The following LIMS1 variants were observed in gnomAD, a reference collection of about 807,000 sequenced individuals.
LIMS1 encodes the protein LIM zinc finger domain containing 1, also known as LIM and senescent cell antigen-like-containing domain protein 1.
Under a neutral mutation model 44.1 loss-of-function variants are expected in LIMS1, and 18 were observed. The observed-to-expected ratio is 0.41, with a 90% CI of 0.28 to 0.61. The LOEUF (loss-of-function observed/expected upper bound fraction) is 0.61. Among genes scored for constraint, LIMS1 ranks in the 20% least tolerant of loss-of-function variants. The pLI is 0.32. For synonymous variants in LIMS1, 93 were observed against 149.1 expected, an observed-to-expected ratio of 0.62 and a Z score of 2.74; for missense variants, 201 against 422.0, an observed-to-expected ratio of 0.48 and a Z score of 4.59.
chr2:108,622,433 A>G lies in LIMS1; in HGVS notation c.33-37172A>G, dbSNP rs187061339. Among the ~76,000 whole-genome samples the G allele has an allele frequency of 1.1e-3, 174 of 152,312 alleles. 1 individual carries two copies. The highest frequency in any genetic ancestry group is 3.9e-3 in the African/African-American group (164 of 41,582). On this transcript the variant is annotated intron_variant, in intron 1 of 9. Transcript: ENST00000544547. Reference sequence around the variant, plus strand: ...AAATTTGTATTTGTCACAGACAGCTATACTACAGTAACTGTAATTTGCTAA... The same window carrying G: ...AAATTTGTATTTGTCACAGACAGCTGTACTACAGTAACTGTAATTTGCTAA...
intron 1 of LIMS1, chr2:108,588,259 A>G: frequency 2.5e-6 from 2 of 803,556 alleles, no homozygotes; most frequent in East Asian, 3.5e-4. Context: ...ACATGATTTG[A>G]CTAAATACAG....
At chr2:108,618,259 CA>C (rs1688036942) in intron 1 of LIMS1, among the ~76,000 whole-genome samples, 1 of 152,176 alleles carries the variant, frequency 6.6e-6, no homozygotes. Flanking sequence ...TCTGTACTGT[CA>C]AAATCATGCT....
At chr2:108,687,096 AG>A (rs1693351427) in exon 10 of LIMS1, 2 of 152,210 alleles carry the variant, frequency 1.3e-5, no homozygotes, top group Non-Finnish European at 2.9e-5. Context: ...TTCTAAGTTA[AG>A]GAAGTTTTTA....
intron 1 of LIMS1, among the ~76,000 whole-genome samples, chr2:108,540,645 A>G (rs1175258262): frequency 6.6e-6 from 1 of 152,224 alleles, no homozygotes; most frequent in Non-Finnish European, 1.5e-5. Context: ...GTGGGTTTAT[A>G]TGTGAAAAAG....
intron 1 of LIMS1, among the ~76,000 whole-genome samples, chr2:108,628,658 G>C (rs1298091865): frequency 6.6e-6 from 1 of 152,158 alleles, no homozygotes; most frequent in African/African-American, 2.4e-5. Context: ...TAGAGACGGG[G>C]TTTCACCATG....
At chr2:108,642,147 A>T (rs1049769468) in intron 1 of LIMS1, among the ~76,000 whole-genome samples, 1 of 152,148 alleles carries the variant, frequency 6.6e-6, no homozygotes, top group African/African-American at 2.4e-5. Flanking sequence ...GCCATCAGTT[A>T]TGCAAATCTA....
At chr2:108,607,397 G>T in intron 1 of LIMS1, 3 of 778,884 alleles carry the variant, frequency 3.9e-6, no homozygotes, top group South Asian at 1.6e-5. Flanking sequence ...TTACACAAGG[G>T]TGTATTTTTG....
chr2:108,630,192 C>CAAAAAAAAAAAAA (rs59941456), intron 1 of LIMS1, among the ~76,000 whole-genome samples: 1 of 103,954 alleles, frequency 9.6e-6, no homozygotes, highest in Non-Finnish European at 1.9e-5. Context: ...GACCCTGTCT[C>CAAAAAAAAAAAAA]AAAAAAAAAA....
chr2:108,546,185 G>T (rs556456982), intron 1 of LIMS1, among the ~76,000 whole-genome samples: 14 of 150,814 alleles, frequency 9.3e-5, no homozygotes, highest in African/African-American at 3.2e-4. Context: ...GGATGCTTTA[G>T]GTTTACAGAG....
At chr2:108,621,104 C>G in intron 1 of LIMS1, 1 of 452,230 alleles carries the variant, frequency 2.2e-6, no homozygotes, top group Non-Finnish European at 3.9e-6. Context: ...AGTAACCTGC[C>G]TTCTTGGTCA....
chr2:108,648,120 C>T lies in LIMS1; in HGVS notation c.33-11485C>T, dbSNP rs994198647. Among the ~76,000 whole-genome samples, 4 of 152,174 alleles carry T rather than the reference C, an allele frequency of 2.6e-5. No individual in the cohort carries two copies. In the South Asian group the frequency reaches 8.3e-4, roughly 32 times the overall value. ...CTGATAAGCAAATTCAGCAAATTCTCCAGATACAAAATCAATGTGCAAAAA... is the reference window on the plus strand; with the variant it reads ...CTGATAAGCAAATTCAGCAAATTCTTCAGATACAAAATCAATGTGCAAAAA... On this transcript the variant is annotated intron_variant, in intron 1 of 9. Transcript: ENST00000544547.
rs928808780 is a variant in LIMS1, at chr2:108,671,004, C to T, written c.259+157C>T. ...TGGCCAACGTAGGGAAACCCCGTCT[C>T]TACTAAAAATACAAAAATTAACTGG... On this transcript the variant is annotated intron_variant, in intron 3 of 9. Coordinates refer to ENST00000544547, the Ensembl canonical transcript of LIMS1. The T allele has an allele frequency of 1.7e-5, 18 of 1,050,244 alleles. No homozygotes were observed. In the African/African-American group the frequency reaches 2.4e-4, roughly 14 times the overall value. 65.1% of individuals were successfully genotyped at this position (1,050,244 alleles called of 1,614,324 possible).
rs1156791550 is a variant in LIMS1 at position 108,608,733 on chromosome 2, G to T, written c.33-50872G>T. On this transcript the variant is annotated intron_variant, in intron 1 of 9. Coordinates refer to ENST00000544547, the Ensembl canonical transcript of LIMS1. ...GTTTTCTTGATCTTGAGAGAAGCAG[G>T]GTAGTAGAGTGATCATAGATGGGGC... 2.0e-5 allele frequency among the ~76,000 whole-genome samples: 3 copies of T among 152,116 alleles called. No homozygotes were observed. In the East Asian group the frequency reaches 5.8e-4, roughly 29 times the overall value.
At chr2:108,633,092 C>T (rs1232497530) in intron 1 of LIMS1, among the ~76,000 whole-genome samples, 2 of 152,190 alleles carry the variant, frequency 1.3e-5, no homozygotes, top group African/African-American at 2.4e-5. Context: ...TTCATCATGA[C>T]GGCAGTGGAA....
At chr2:108,558,486 G>A (rs1182093653) in intron 1 of LIMS1, among the ~76,000 whole-genome samples, 1 of 151,936 alleles carries the variant, frequency 6.6e-6, no homozygotes, top group Non-Finnish European at 1.5e-5. Context: ...TGGGATTACA[G>A]GTGTGAGCCA....
At chr2:108,627,581 G>C (rs1688654597) in intron 1 of LIMS1, among the ~76,000 whole-genome samples, 1 of 151,966 alleles carries the variant, frequency 6.6e-6, no homozygotes, top group Admixed American at 6.6e-5. Context: ...TTTTAAAAAA[G>C]CAAACAAAAT....
intron 8 of LIMS1, among the ~76,000 whole-genome samples, chr2:108,679,173 G>A (rs1298738206): frequency 6.6e-6 from 1 of 151,786 alleles, no homozygotes; most frequent in Non-Finnish European, 1.5e-5. Context: ...TTAACCTAGA[G>A]ATGATCTAAA....
At chr2:108,669,759 C>G (rs1183228354) in intron 2 of LIMS1, among the ~76,000 whole-genome samples, 2 of 151,164 alleles carry the variant, frequency 1.3e-5, no homozygotes, top group African/African-American at 2.4e-5. Flanking sequence ...AGAAAATAGA[C>G]CTAGAATTAA....
At chr2:108,621,154 G>A in intron 1 of LIMS1, 1 of 902,248 alleles carries the variant, frequency 1.1e-6, no homozygotes, top group Non-Finnish European at 1.6e-6. Context: ...CCAGAGATAA[G>A]GCAAGTTGTG....
Sources: gnomAD v4.1 joint callset for allele counts (sites outside exome capture counted in the v4.1 genomes callset) on GRCh38, gnomAD v4.1.1 for gene constraint, MANE v1.5 for transcripts, NCBI Gene and HGNC (gene_info 2026-07-23, HGNC 2026-07-21) for gene names.